Variants in FCRLB observed in about 807,000 individuals in gnomAD.
FCRLB encodes the protein Fc receptor like B, also known as Fc receptor-like B.
In FCRLB, 34 loss-of-function variants were observed where a neutral mutation model predicts 33.6. The ratio of observed to expected loss-of-function variants is 1.01; its 90% CI spans 0.77 to 1.35. FCRLB has a LOEUF of 1.35. Ranked by LOEUF, FCRLB falls within the 40% of genes most tolerant of loss-of-function variation. The pLI is 0.00. For missense variants in FCRLB, 560 were observed against 580.2 expected, an observed-to-expected ratio of 0.97 and a Z score of 0.36; for synonymous variants, 280 against 255.9, an observed-to-expected ratio of 1.09 and a Z score of -0.90.
chr1:161,727,056 G>C, intron 7 of FCRLB, 63 bp downstream of exon 7: 1 of 1,423,030 alleles, frequency 7.0e-7, no homozygotes, highest in Non-Finnish European at 9.2e-7. Flanking sequence ...CCGCCTCTCG[G>C]CACCCACGAA....
At chr1:161,723,158 A>G (rs1683428892) in intron 4 of FCRLB, 149 bp downstream of exon 4, 3 of 1,199,212 alleles carry the variant, frequency 2.5e-6, no homozygotes, top group Non-Finnish European at 3.6e-6. Context: ...AATTTGCTTG[A>G]AGGCATTTAG....
chr1:161,725,680 GA>G (rs1268860164), intron 5 of FCRLB, 140 bp from the exon 6 acceptor site: 4 of 1,070,936 alleles, frequency 3.7e-6, no homozygotes, highest in Admixed American at 2.7e-5. Flanking sequence ...GAAAGAAAAA[GA>G]AAAGAAAAGA....
Position 161,726,170 on chromosome 1 carries a change from G to A in FCRLB, c.574+83G>A. ...CAGGAGCTCGGCGAGAAAAGAAGGG[G>A]CGGAAGTTCAAATAGCTGCCACTTG... On this transcript the variant is annotated intron_variant, in intron 6 of 7. Coordinates refer to ENST00000367948, the Ensembl canonical transcript of FCRLB. The surrounding 1 kb of genome is among the most constrained non-coding windows in gnomAD (Gnocchi z 5.2). 6.2e-7 allele frequency: 1 copy of A among 1,604,328 alleles called. No individual in the cohort carries two copies. The highest frequency in any genetic ancestry group is 8.5e-7 in the Non-Finnish European group (1 of 1,174,870).
Position 161,723,349 on chromosome 1 carries a change from C to A in FCRLB, c.53-18C>A, listed in dbSNP as rs1683435910. 1 of 1,611,890 alleles carries A rather than the reference C, an allele frequency of 6.2e-7. No individual in the cohort carries two copies. On this transcript the variant is annotated intron_variant, in intron 4 of 7. Coordinates refer to ENST00000367948, the Ensembl canonical transcript of FCRLB. ...TCTCTTTGCATGCTGCCCCCTCTCA[C>A]CCCACTCCCCACCCCAGCTACTCTG...
chr1:161,727,048 G>A, intron 7 of FCRLB, 55 bp downstream of exon 7: 1 of 1,432,746 alleles, frequency 7.0e-7, no homozygotes, highest in Non-Finnish European at 9.1e-7. Flanking sequence ...CCCTGCTTCC[G>A]CCTCTCGGCA....
Position 161,725,680 on chromosome 1 carries a change from G to T in FCRLB, c.308-141G>T. ...AGAACAAGAAAAAAAGAAAGAAAAA[G>T]AAAAGAAAAGAAAGCGGTGGGAGAT... On this transcript the variant is annotated intron_variant, in intron 5 of 7. Coordinates refer to ENST00000367948, the Ensembl canonical transcript of FCRLB. 3 of 1,071,056 alleles carry T rather than the reference G, an allele frequency of 2.8e-6. No individual in the cohort carries two copies. The South Asian group carries it at 5.0e-5, about 18-fold the overall frequency. 66.3% of individuals were successfully genotyped at this position (1,071,056 alleles called of 1,614,324 possible).
chr1:161,726,842 G>A lies in FCRLB; in HGVS notation c.714G>A (p.Lys238=), dbSNP rs2101679918. The A allele has an allele frequency of 6.4e-7, 1 of 1,572,834 alleles. No homozygotes were observed. The highest frequency in any genetic ancestry group is 2.4e-5 in the East Asian group (1 of 42,506). ...CGCCGCTGCAGTTCGCGTTTTACAA[G>A]TACAGCCGCGCGGTGCGCCGCTTCG... Residue 238 remains lysine (K), a synonymous_variant, in exon 7 of 8, where the codon AAG becomes AAA. Transcript: ENST00000367948. The surrounding 1 kb of genome is among the most constrained non-coding windows in gnomAD (Gnocchi z 5.2).
chr1:161,727,123 C>G lies in FCRLB; in HGVS notation c.866-124C>G, dbSNP rs533062226. 1.3e-4 allele frequency: 172 copies of G among 1,341,038 alleles called. No individual in the cohort carries two copies. In the African/African-American group the frequency reaches 2.3e-3, roughly 18 times the overall value. The allele number at this position is 1,341,038 out of a possible 1,614,324, so 83.1% of individuals were successfully genotyped here. A position where few individuals can be genotyped will look rare whatever the true frequency, so the allele number is the denominator to read the frequency against. The stretch of plus-strand genomic sequence containing the variant: ...CCCGCCTTTCCCATCTCCCCTTCGC[C>G]GCCCTCCTCCTCACCCCTCTTCCGG... On this transcript the variant is annotated intron_variant, in intron 7 of 7. Transcript: ENST00000367948.
At chr1:161,727,375 C>A in exon 8 of FCRLB, 1 of 1,613,680 alleles carries the variant, frequency 6.2e-7, no homozygotes, top group Non-Finnish European at 8.5e-7. Flanking sequence ...CACCTCCGTC[C>A]GGAACACCAC....
At chr1:161,723,442 A>G (rs769030304) in exon 5 of FCRLB, 23 of 1,614,178 alleles carry the variant, frequency 1.4e-5, no homozygotes, top group Non-Finnish European at 1.9e-5. Flanking sequence ...GTAACTTTGA[A>G]GTGTGATGGA....
In FCRLB at chr1:161,727,471, G is replaced by T. The variant is rs1447292473; in HGVS notation, c.1090G>T (p.Ala364Ser). The change falls in exon 8 of 8, where the codon GCT becomes TCT. Residue 364 changes from alanine (A) to serine (S), a missense_variant. Ala to Ser is a moderately conservative substitution (Grantham distance 99). Coordinates refer to ENST00000367948, the Ensembl canonical transcript of FCRLB. ...TCCGCCGACGCCCTTGGAACAATCG[G>T]CTGGAGCCCTGAAACCCGACGTGGA... The T allele has an allele frequency of 1.9e-6, 3 of 1,613,976 alleles. No homozygotes were observed. The highest frequency in any genetic ancestry group is 2.5e-6 in the Non-Finnish European group (3 of 1,180,004).
At chr1:161,723,748 T>G in intron 5 of FCRLB, 127 bp downstream of exon 5, 5 of 1,394,080 alleles carry the variant, frequency 3.6e-6, no homozygotes, top group Non-Finnish European at 4.8e-6. Context: ...GGGCCTATCT[T>G]AAGTCTCTGG....
chr1:161,723,725 A>G, intron 5 of FCRLB, 104 bp downstream of exon 5: 2 of 1,503,810 alleles, frequency 1.3e-6, no homozygotes, highest in Non-Finnish European at 8.9e-7. Context: ...TGCAGGAAAC[A>G]AGGGCCACAC....
Position 161,726,382 on chromosome 1 carries a change from G to A in FCRLB, c.574+295G>A. 1 of 722,500 alleles carries A rather than the reference G, an allele frequency of 1.4e-6. No homozygotes were observed. The highest frequency in any genetic ancestry group is 1.5e-5 in the South Asian group (1 of 67,226). The allele number at this position is 722,500 out of a possible 1,614,324, so 44.8% of individuals were successfully genotyped here. ...GGGCCACTGTGGGACTGGGACGAAG[G>A]AGCGACTCCCTAGCGTCCTGCAAGG... On this transcript the variant is annotated intron_variant, in intron 6 of 7. Coordinates refer to ENST00000367948, the Ensembl canonical transcript of FCRLB. This position sits in a 1 kb window ranked among gnomAD's most constrained non-coding sequence, Gnocchi z 5.2.
In FCRLB at chr1:161,726,580, C is replaced by T; in HGVS notation, c.575-123C>T. 7.4e-7 allele frequency: 1 copy of T among 1,359,158 alleles called. No homozygotes were observed. The highest frequency in any genetic ancestry group is 1.0e-6 in the Non-Finnish European group (1 of 986,170). The allele number at this position is 1,359,158 out of a possible 1,614,324, so 84.2% of individuals were successfully genotyped here. Reference sequence around the variant, plus strand: ...CTCCCCTTCCCCCTCCACGTGGACACACGGCCTCCTCCCCTCCCCCCTTGG... The same window carrying T: ...CTCCCCTTCCCCCTCCACGTGGACATACGGCCTCCTCCCCTCCCCCCTTGG... On this transcript the variant is annotated intron_variant, in intron 6 of 7. Transcript: ENST00000367948. This position sits in a 1 kb window ranked among gnomAD's most constrained non-coding sequence, Gnocchi z 5.2.
rs11585450 is a variant in FCRLB, at chr1:161,726,992, G to T, written c.864G>T (p.Pro288=). The change falls in exon 7 of 8, where the codon CCG becomes CCT. Residue 288 remains proline, a splice_region_variant and synonymous_variant. Coordinates refer to ENST00000367948, the Ensembl canonical transcript of FCRLB. The surrounding 1 kb of genome is among the most constrained non-coding windows in gnomAD (Gnocchi z 5.2). ...GTCCGTGGCTGCAGCTCCCGGGGCC[G>T]GGTGAGTGCCTGCACACCCTCCCGG... is the stretch of plus-strand genomic sequence containing the variant. The T allele has an allele frequency of 1.5e-5, 23 of 1,509,520 alleles. 1 individual carries two copies. The Middle Eastern group carries it at 9.1e-4, about 60-fold the overall frequency. The allele number at this position is 1,509,520 out of a possible 1,614,324, so 93.5% of individuals were successfully genotyped here.
chr1:161,723,367 C>G, exon 5 of FCRLB: 1 of 1,613,806 alleles, frequency 6.2e-7, no homozygotes. Flanking sequence ...CCCACCCCAG[C>G]TACTCTGGAG....
intron 5 of FCRLB, 140 bp downstream of exon 5, chr1:161,723,761 C>A: frequency 1.7e-5 from 22 of 1,305,068 alleles, no homozygotes; most frequent in Non-Finnish European, 2.2e-5. Context: ...GTCTCTGGAG[C>A]AGGTAGGGAC....
intron 2 of FCRLB, among the ~76,000 whole-genome samples, chr1:161,722,366 T>C (rs1049727521): frequency 1.3e-5 from 2 of 152,158 alleles, no homozygotes; most frequent in Non-Finnish European, 2.9e-5. Context: ...TGGGGTTCTA[T>C]GGGGCTCTCT....
Sources: gnomAD v4.1 joint callset for allele counts (sites outside exome capture counted in the v4.1 genomes callset) on GRCh38, gnomAD v4.1.1 for gene constraint, Gnocchi (gnomAD v3.1) non-coding constraint, MANE v1.5 for transcripts, NCBI Gene and HGNC (gene_info 2026-07-23, HGNC 2026-07-21) for gene names.